EFCAB6: variants seen among roughly 807,000 people sequenced by gnomAD.
EFCAB6 encodes the protein EF-hand calcium binding domain 6.
Under a neutral mutation model 169.8 loss-of-function variants are expected in EFCAB6, and 156 were observed. The observed-to-expected ratio is 0.92, with a 90% CI of 0.81 to 1.05. The LOEUF (loss-of-function observed/expected upper bound fraction) is 1.05, where lower values mean the gene tolerates loss of function less well. Ranked by LOEUF, EFCAB6 falls within the 50% of genes least tolerant of loss-of-function variation. The pLI is 0.00. For synonymous variants in EFCAB6, 698 were observed against 676.4 expected (o/e 1.03, Z -0.50); for missense variants, 1,800 against 1,829.1 (o/e 0.98, Z 0.29).
At chr22:43,735,562 A>G (rs2060104097) in intron 7 of EFCAB6, among the ~76,000 whole-genome samples, 2 of 152,198 alleles carry the variant, frequency 1.3e-5, no homozygotes, top group African/African-American at 4.8e-5. Context: ...GTGGGGAAAG[A>G]GACAATTGGT....
At chr22:43,727,315 C>T (rs188836214) in intron 8 of EFCAB6, among the ~76,000 whole-genome samples, 1 of 152,240 alleles carries the variant, frequency 6.6e-6, no homozygotes, top group Admixed American at 6.5e-5. Flanking sequence ...GTGGTCCTAG[C>T]TGGTCATGAG....
chr22:43,716,510 A>C (rs79960999), intron 9 of EFCAB6, among the ~76,000 whole-genome samples: 6,094 of 152,268 alleles, frequency 0.04, 172 homozygotes, highest in Middle Eastern at 0.085. Context: ...AGTAATACTA[A>C]ATCTTCCAAT....
At chr22:43,775,585 G>A (rs2061614137) in intron 3 of EFCAB6, among the ~76,000 whole-genome samples, 1 of 152,176 alleles carries the variant, frequency 6.6e-6, no homozygotes, top group Admixed American at 6.5e-5. Context: ...TGTGACTATA[G>A]GCACCTGCCA....
chr22:43,669,657 T>C (rs1355348165), intron 15 of EFCAB6, among the ~76,000 whole-genome samples: 3 of 152,190 alleles, frequency 2.0e-5, no homozygotes, highest in Non-Finnish European at 4.4e-5. Flanking sequence ...CTTGTGATGG[T>C]TTTATGGATA....
intron 21 of EFCAB6, among the ~76,000 whole-genome samples, chr22:43,614,263 T>C (rs1325190669): frequency 6.8e-6 from 1 of 147,524 alleles, no homozygotes; most frequent in Non-Finnish European, 1.5e-5. Context: ...ATCATGACAG[T>C]AGTACTGGTT....
At chr22:43,569,199 G>A (rs1177682113) in intron 26 of EFCAB6, among the ~76,000 whole-genome samples, 1 of 152,390 alleles carries the variant, frequency 6.6e-6, no homozygotes, top group African/African-American at 2.4e-5. Flanking sequence ...CATGGAAGGA[G>A]CTGCAGTGTC....
At chr22:43,714,402 C>T (rs1269656995) in intron 9 of EFCAB6, among the ~76,000 whole-genome samples, 1 of 152,098 alleles carries the variant, frequency 6.6e-6, no homozygotes, top group African/African-American at 2.4e-5. Flanking sequence ...CCATTGCTTG[C>T]CACCACATTG....
chr22:43,530,052 C>T, intron 31 of EFCAB6, among the ~76,000 whole-genome samples: 1 of 152,316 alleles, frequency 6.6e-6, no homozygotes, highest in South Asian at 2.1e-4. Flanking sequence ...GGGATGAAGG[C>T]AGAAAAGGAA....
chr22:43,568,869 G>C (rs890782971), intron 26 of EFCAB6, among the ~76,000 whole-genome samples: 3 of 152,152 alleles, frequency 2.0e-5, no homozygotes, highest in African/African-American at 7.2e-5. Context: ...TCACCAACAG[G>C]TTCATGATAG....
chr22:43,604,157 G>A (rs1602552490), intron 22 of EFCAB6, among the ~76,000 whole-genome samples: 2 of 152,094 alleles, frequency 1.3e-5, no homozygotes, highest in South Asian at 2.1e-4. Context: ...CTGTGGAACC[G>A]TGAGCCAATT....
chr22:43,578,805 T>TGCAGGCATTATTCCCTACAC (rs1569188954), intron 25 of EFCAB6, among the ~76,000 whole-genome samples: 5 of 71,066 alleles, frequency 7.0e-5, no homozygotes, highest in Non-Finnish European at 1.0e-4. Flanking sequence ...ATTCCCTACA[T>TGCAGGCATTATTCCCTACAC]GCAGGCATCA....
intron 8 of EFCAB6, among the ~76,000 whole-genome samples, chr22:43,730,251 G>GA (rs2059894502): frequency 1.9e-5 from 2 of 105,978 alleles, no homozygotes; most frequent in African/African-American, 3.7e-5. Flanking sequence ...TGGAAGGAGG[G>GA]AAGGAGGAAA....
intron 27 of EFCAB6, among the ~76,000 whole-genome samples, chr22:43,544,389 G>T (rs2036439178): frequency 6.6e-6 from 1 of 152,136 alleles, no homozygotes; most frequent in Admixed American, 6.5e-5. Flanking sequence ...CTGCCTTCTT[G>T]AACTACAGAG....
intron 31 of EFCAB6, chr22:43,530,479 C>T (rs2046990675): frequency 1.0e-6 from 1 of 977,978 alleles, no homozygotes; most frequent in African/African-American, 1.8e-5. Flanking sequence ...TGCAGGAGAG[C>T]CCAGGTGTGG....
At chr22:43,531,086 C>A in intron 30 of EFCAB6, 122 bp from the exon 31 acceptor site, 1 of 1,323,614 alleles carries the variant, frequency 7.6e-7, no homozygotes, top group Admixed American at 2.0e-5. Context: ...CAACCTGCTC[C>A]GCTGGCTCTG....
At chr22:43,540,442 C>T (rs2147067752) in intron 27 of EFCAB6, 85 bp from the exon 28 acceptor site, 1 of 1,594,576 alleles carries the variant, frequency 6.3e-7, no homozygotes, top group Non-Finnish European at 8.5e-7. Flanking sequence ...GTGGGACAGG[C>T]CGGCCTCGCA....
At position 43,672,637 on chromosome 22, in the gene EFCAB6, G is replaced by C. The variant is rs149941426; in HGVS notation, c.1420-332C>G. 4.4e-3 allele frequency among the ~76,000 whole-genome samples: 668 copies of C among 152,208 alleles called. 7 individuals carry two copies. Among genetic ancestry groups the C allele is most frequent in the African/African-American group, 0.015 (633 of 41,514 alleles). ...CACTCATAAGTGGGAGCTAAATGAT[G>C]AGAACTCATGGACACATAGAGGAGA... is the stretch of plus-strand genomic sequence containing the variant. On this transcript the variant is annotated intron_variant, in intron 13 of 31. Coordinates refer to ENST00000262726, the MANE Select transcript of EFCAB6 (RefSeq NM_022785.4).
chr22:43,687,644 AT>A, intron 10 of EFCAB6, 63 bp from the exon 11 acceptor site: 2 of 920,076 alleles, frequency 2.2e-6, no homozygotes, highest in Non-Finnish European at 3.3e-6. Flanking sequence ...CACTGCATGG[AT>A]TAGGTACTTA....
At chr22:43,624,260 G>A (rs1000575391) in intron 20 of EFCAB6, among the ~76,000 whole-genome samples, 10 of 152,228 alleles carry the variant, frequency 6.6e-5, no homozygotes, top group African/African-American at 2.2e-4. Context: ...ACCAGACCCC[G>A]GGGACCAAGT....
Sources: allele counts gnomAD v4.1 joint callset (sites outside exome capture counted in the v4.1 genomes callset), GRCh38; gene constraint gnomAD v4.1.1; transcripts MANE v1.5; gene names NCBI Gene and HGNC (gene_info 2026-07-23, HGNC 2026-07-21).